Variants in NRXN1 observed in about 807,000 individuals in gnomAD.
NRXN1 encodes the protein neurexin-1.
NRXN1 carries 39 observed loss-of-function variants against 150.9 expected under a neutral mutation model. The ratio of observed to expected loss-of-function variants is 0.26; its 90% CI spans 0.20 to 0.34. NRXN1 has a LOEUF of 0.34. NRXN1 is among the 10% of genes least tolerant of loss of function. The pLI, the probability that NRXN1 is intolerant of heterozygous loss-of-function variation, is 1.00. For missense variants in NRXN1, 1,815 were observed against 1,949.9 expected (o/e 0.93, Z 1.30); for synonymous variants, 924 against 757.0 (o/e 1.22, Z -3.62).
chr2:50,018,525 A>G (rs973233135), intron 21 of NRXN1, among the ~76,000 whole-genome samples: 1 of 152,166 alleles, frequency 6.6e-6, no homozygotes, highest in Non-Finnish European at 1.5e-5. Context: ...ATTACTTGCC[A>G]TGTTCTCATC....
intron 2 of NRXN1, among the ~76,000 whole-genome samples, chr2:50,975,671 T>C (rs1398336634): frequency 6.6e-6 from 1 of 152,138 alleles, no homozygotes. Context: ...GCAATTTCTT[T>C]GCTTGCCCTG....
At chr2:50,125,697 T>C (rs1157451712) in intron 18 of NRXN1, among the ~76,000 whole-genome samples, 1 of 152,054 alleles carries the variant, frequency 6.6e-6, no homozygotes, top group Non-Finnish European at 1.5e-5. Flanking sequence ...TCTTGGGACA[T>C]GAATACCAAG....
rs1446678513 is a variant in NRXN1, at chr2:51,027,508, T to C, written c.766A>G (p.Ser256Gly). The C allele has an allele frequency of 1.3e-6, 2 of 1,535,150 alleles. No individual in the cohort carries two copies. Among genetic ancestry groups the C allele is most frequent in the Non-Finnish European group, 1.8e-6 (2 of 1,139,004 alleles). Residue 256 changes from serine (S) to glycine (G), a missense_variant, in exon 2 of 23, where the codon AGC (serine) becomes GGC (glycine). Physicochemically the swap from Ser to Gly is moderately conservative, Grantham distance 56. Coordinates refer to ENST00000401669, the MANE Select transcript of NRXN1 (RefSeq NM_001330078.2). ...SRTGFRGKDCSQEDNNVEGLA... is the reference protein window; with the variant it reads ...SRTGFRGKDCGQEDNNVEGLA... ...GTCGGGCGTCGGGCCTTACCTTGGC[T>C]GCAGTCCTTGCCGCGGAAGCCGGTT...
At chr2:50,446,128 A>G (rs1291730702) in intron 17 of NRXN1, among the ~76,000 whole-genome samples, 1 of 152,138 alleles carries the variant, frequency 6.6e-6, no homozygotes, top group Non-Finnish European at 1.5e-5. Context: ...CTGGAAAAAA[A>G]AGAAAAAAAA....
chr2:50,842,444 T>C (rs1329100379), intron 5 of NRXN1, among the ~76,000 whole-genome samples: 3 of 152,144 alleles, frequency 2.0e-5, no homozygotes, highest in African/African-American at 7.2e-5. Flanking sequence ...TGGATTTGAC[T>C]CTATAAGGAA....
intron 17 of NRXN1, among the ~76,000 whole-genome samples, chr2:50,445,918 G>C (rs2086360736): frequency 6.6e-6 from 1 of 152,018 alleles, no homozygotes; most frequent in South Asian, 2.1e-4. Flanking sequence ...TAAAAGATAG[G>C]TCCTGAAACA....
chr2:50,389,977 A>G (rs557161312), intron 17 of NRXN1, among the ~76,000 whole-genome samples: 40 of 152,182 alleles, frequency 2.6e-4, no homozygotes, highest in African/African-American at 9.4e-4. Flanking sequence ...GGCATGTCAA[A>G]CTCAGAATTA....
chr2:50,733,834 T>C (rs1698399762), intron 5 of NRXN1, among the ~76,000 whole-genome samples: 1 of 152,204 alleles, frequency 6.6e-6, no homozygotes, highest in Non-Finnish European at 1.5e-5. Flanking sequence ...CTAGCAAAGA[T>C]TATAGTTTTA....
At chr2:50,577,362 G>A (rs1671593693) in intron 8 of NRXN1, among the ~76,000 whole-genome samples, 4 of 150,368 alleles carry the variant, frequency 2.7e-5, no homozygotes, top group Admixed American at 2.6e-4. Context: ...TACACTAGTT[G>A]TCTAAAAAAA....
intron 19 of NRXN1, among the ~76,000 whole-genome samples, chr2:50,085,854 G>C (rs1001990087): frequency 6.6e-6 from 1 of 152,116 alleles, no homozygotes; most frequent in Non-Finnish European, 1.5e-5. Context: ...ATAACATTTA[G>C]TTATGAAGAA....
At chr2:50,231,792 A>T (rs1488662788) in intron 18 of NRXN1, among the ~76,000 whole-genome samples, 1 of 152,122 alleles carries the variant, frequency 6.6e-6, no homozygotes, top group African/African-American at 2.4e-5. Flanking sequence ...TCCAAATGAC[A>T]TCACTAAACT....
intron 2 of NRXN1, among the ~76,000 whole-genome samples, chr2:51,017,334 T>C (rs1463955450): frequency 1.4e-5 from 2 of 142,948 alleles, no homozygotes; most frequent in African/African-American, 2.6e-5. Context: ...TCTGGGATTC[T>C]TTTTTTTTTT....
intron 5 of NRXN1, among the ~76,000 whole-genome samples, chr2:50,758,467 AAAACAAAC>A (rs893748390): frequency 7.2e-5 from 11 of 151,964 alleles, no homozygotes; most frequent in South Asian, 2.1e-4. Context: ...AAGCTATTTA[AAAACAAAC>A]AAACAAACAA....
intron 18 of NRXN1, among the ~76,000 whole-genome samples, chr2:50,163,332 A>C (rs1327591939): frequency 1.3e-5 from 2 of 152,070 alleles, no homozygotes; most frequent in African/African-American, 2.4e-5. Context: ...AATCCACTCA[A>C]GACTAGAATC....
At chr2:50,246,308 T>G (rs532660998) in intron 17 of NRXN1, among the ~76,000 whole-genome samples, 6 of 152,118 alleles carry the variant, frequency 3.9e-5, no homozygotes, top group African/African-American at 1.4e-4. Context: ...TTATGACTTT[T>G]TGGCAGTGAC....
chr2:51,016,492 T>C (rs1186856005), intron 2 of NRXN1, among the ~76,000 whole-genome samples: 2 of 151,986 alleles, frequency 1.3e-5, no homozygotes, highest in East Asian at 3.9e-4. Context: ...AGCCAACAAA[T>C]ATGTGAAAAA....
intron 18 of NRXN1, among the ~76,000 whole-genome samples, chr2:50,139,098 G>C (rs1267248990): frequency 6.6e-6 from 1 of 152,146 alleles, no homozygotes; most frequent in Non-Finnish European, 1.5e-5. Flanking sequence ...GGCCAAGGTG[G>C]GCAGATCACC....
chr2:50,635,320 G>GC, intron 5 of NRXN1, among the ~76,000 whole-genome samples: 1 of 144,940 alleles, frequency 6.9e-6, no homozygotes, highest in Admixed American at 6.9e-5. Flanking sequence ...ACCATGCCTA[G>GC]CTTTTTTTTT....
chr2:50,224,748 C>G (rs1304550351), intron 18 of NRXN1, among the ~76,000 whole-genome samples: 2 of 146,334 alleles, frequency 1.4e-5, no homozygotes, highest in African/African-American at 5.1e-5. Flanking sequence ...GTTAAATTGC[C>G]AGGGTAGTGG....
Sources: allele counts gnomAD v4.1 joint callset (sites outside exome capture counted in the v4.1 genomes callset), GRCh38; gene constraint gnomAD v4.1.1; transcripts MANE v1.5; gene names NCBI Gene and HGNC (gene_info 2026-07-23, HGNC 2026-07-21).